Variants in THSD7B observed in about 807,000 individuals in gnomAD.
THSD7B encodes thrombospondin type 1 domain containing 7B.
THSD7B carries 138 observed loss-of-function variants against 213.6 expected under a neutral mutation model. The observed-to-expected ratio is 0.65, with a 90% CI of 0.56 to 0.74. The LOEUF (loss-of-function observed/expected upper bound fraction) is 0.74, where lower values mean the gene tolerates loss of function less well. THSD7B is among the 30% of genes least tolerant of loss of function. The pLI, the probability that THSD7B is intolerant of heterozygous loss-of-function variation, is 0.00. For synonymous variants in THSD7B, 742 were observed against 687.0 expected (o/e 1.08, Z -1.25); for missense variants, 1,931 against 1,991.5 (o/e 0.97, Z 0.58).
chr2:137,579,250 G>A (rs1012775063), intron 17 of THSD7B, among the ~76,000 whole-genome samples: 1 of 152,122 alleles, frequency 6.6e-6, no homozygotes, highest in Non-Finnish European at 1.5e-5. Flanking sequence ...AAAGGCCCAA[G>A]TAGAACAAAA....
chr2:137,663,063 T>TCTA (rs1683381484), intron 25 of THSD7B, among the ~76,000 whole-genome samples: 11 of 122,636 alleles, frequency 9.0e-5, no homozygotes, highest in African/African-American at 3.4e-4. Context: ...AAACTCCATC[T>TCTA]AAAAAAAAAA....
chr2:137,367,682 G>A (rs1685452192), intron 12 of THSD7B, among the ~76,000 whole-genome samples: 1 of 152,094 alleles, frequency 6.6e-6, no homozygotes, highest in African/African-American at 2.4e-5. Context: ...CACAGTTCTG[G>A]AGGCTGGAAG....
chr2:137,653,510 T>G lies in THSD7B; in HGVS notation c.3946-1991T>G, dbSNP rs369849104. ...TTTTCTGTTGTTTTTTATTTGAATA[T>G]GTTTTCGACGCTTTGCTCTTGCTCA... is the stretch of plus-strand genomic sequence containing the variant. On this transcript the variant is annotated intron_variant, in intron 21 of 27. Coordinates refer to ENST00000409968, the MANE Select transcript of THSD7B (RefSeq NM_001316349.2). Among the ~76,000 whole-genome samples the G allele has an allele frequency of 2.0e-5, 3 of 151,720 alleles. No homozygotes were observed. The South Asian group carries it at 6.3e-4, about 32-fold the overall frequency.
At chr2:137,487,412 C>CAAGA (rs923515011) in intron 15 of THSD7B, among the ~76,000 whole-genome samples, 1 of 116,070 alleles carries the variant, frequency 8.6e-6, no homozygotes, top group Non-Finnish European at 1.8e-5. Context: ...ACTAGAAAAG[C>CAAGA]AAGAGCAAAC....
At chr2:137,071,029 G>T (rs1196371461) in intron 3 of THSD7B, among the ~76,000 whole-genome samples, 1 of 152,146 alleles carries the variant, frequency 6.6e-6, no homozygotes, top group Non-Finnish European at 1.5e-5. Flanking sequence ...ACATACGTGT[G>T]CATGTGTCTT....
intron 1 of THSD7B, among the ~76,000 whole-genome samples, chr2:136,785,075 T>G (rs1681816341): frequency 6.6e-6 from 1 of 152,228 alleles, no homozygotes; most frequent in African/African-American, 2.4e-5. Flanking sequence ...TGGGAGGGGC[T>G]TCTGGCCCGC....
At chr2:137,343,611 G>A (rs1174801738) in intron 12 of THSD7B, among the ~76,000 whole-genome samples, 1 of 151,614 alleles carries the variant, frequency 6.6e-6, no homozygotes, top group Non-Finnish European at 1.5e-5. Flanking sequence ...TTTAGACTTT[G>A]TCCCCAGATA....
chr2:137,199,371 T>G (rs933908917), intron 7 of THSD7B, among the ~76,000 whole-genome samples: 9 of 152,192 alleles, frequency 5.9e-5, no homozygotes, highest in Non-Finnish European at 1.5e-5. Context: ...GTAAGTCCCC[T>G]TCTCAAAACC....
At chr2:137,270,224 CT>C (rs1399149221) in intron 10 of THSD7B, among the ~76,000 whole-genome samples, 3 of 152,054 alleles carry the variant, frequency 2.0e-5, no homozygotes, top group Admixed American at 6.6e-5. Context: ...TCCTCTTGCC[CT>C]TTTTTTCTTT....
intron 1 of THSD7B, among the ~76,000 whole-genome samples, chr2:136,836,932 C>T (rs1344591364): frequency 2.6e-5 from 4 of 152,140 alleles, no homozygotes; most frequent in Non-Finnish European, 5.9e-5. Context: ...AGGCCAAAAA[C>T]CTGAGAATTA....
intron 12 of THSD7B, among the ~76,000 whole-genome samples, chr2:137,316,389 C>G (rs1684099502): frequency 6.6e-6 from 1 of 152,194 alleles, no homozygotes; most frequent in South Asian, 2.1e-4. Context: ...GATGAGTTCC[C>G]CTCCCTCATT....
chr2:137,365,599 T>C (rs1036378807), intron 12 of THSD7B, among the ~76,000 whole-genome samples: 1 of 152,208 alleles, frequency 6.6e-6, no homozygotes, highest in Non-Finnish European at 1.5e-5. Flanking sequence ...CAGACACTTT[T>C]CAAAAGAAGA....
At chr2:136,955,751 A>G (rs1473153291) in intron 2 of THSD7B, among the ~76,000 whole-genome samples, 1 of 152,106 alleles carries the variant, frequency 6.6e-6, no homozygotes, top group Non-Finnish European at 1.5e-5. Flanking sequence ...TATAGAAACT[A>G]TATGTTTTCT....
intron 12 of THSD7B, among the ~76,000 whole-genome samples, chr2:137,373,287 T>G (rs1181173325): frequency 5.9e-5 from 9 of 152,226 alleles, no homozygotes; most frequent in Admixed American, 1.3e-4. Flanking sequence ...ACTTCCACAA[T>G]GGTTGAACTA....
intron 1 of THSD7B, among the ~76,000 whole-genome samples, chr2:136,876,528 C>T (rs1233465944): frequency 6.6e-6 from 1 of 152,164 alleles, no homozygotes; most frequent in African/African-American, 2.4e-5. Context: ...TTCAGTCCAC[C>T]ATTCCGTAGA....
chr2:136,884,179 C>T (rs1683675129), intron 2 of THSD7B, among the ~76,000 whole-genome samples: 1 of 152,084 alleles, frequency 6.6e-6, no homozygotes, highest in South Asian at 2.1e-4. Flanking sequence ...AAAGAAACAG[C>T]ACATGCGAAG....
intron 1 of THSD7B, among the ~76,000 whole-genome samples, chr2:136,859,886 T>G (rs1260854577): frequency 1.3e-5 from 2 of 152,176 alleles, no homozygotes; most frequent in Admixed American, 6.5e-5. Flanking sequence ...GACCATCCCT[T>G]TTCCCTTTGT....
intron 2 of THSD7B, among the ~76,000 whole-genome samples, chr2:136,998,557 C>T (rs1246461588): frequency 6.6e-6 from 1 of 152,134 alleles, no homozygotes; most frequent in Admixed American, 6.6e-5. Flanking sequence ...TAGTGTGAAG[C>T]TTCACAGTAT....
intron 26 of THSD7B, among the ~76,000 whole-genome samples, chr2:137,665,846 GA>G (rs1318550644): frequency 1.3e-5 from 2 of 152,210 alleles, no homozygotes; most frequent in Middle Eastern, 3.4e-3. Context: ...GAACTAATAT[GA>G]AAATATTTCC....
Sources: gnomAD v4.1 joint callset for allele counts (sites outside exome capture counted in the v4.1 genomes callset) on GRCh38, gnomAD v4.1.1 for gene constraint, MANE v1.5 for transcripts, NCBI Gene and HGNC (gene_info 2026-07-23, HGNC 2026-07-21) for gene names.